Variants in MLIP observed in about 807,000 individuals in gnomAD.
MLIP encodes muscular LMNA interacting protein.
MLIP carries 79 observed loss-of-function variants against 84.8 expected under a neutral mutation model. That is an observed-to-expected ratio of 0.93 (90% CI 0.78 to 1.12). The LOEUF is 1.12. Ranked by LOEUF, MLIP falls within the 50% of genes most tolerant of loss-of-function variation. The pLI, the probability that MLIP is intolerant of heterozygous loss-of-function variation, is 0.00. For synonymous variants in MLIP, 504 were observed against 463.0 expected, an observed-to-expected ratio of 1.09 and a Z score of -1.14; for missense variants, 1,257 against 1,160.6, an observed-to-expected ratio of 1.08 and a Z score of -1.21.
chr6:54,154,201 G>C (rs80108223), intron 5 of MLIP, among the ~76,000 whole-genome samples: 1 of 151,858 alleles, frequency 6.6e-6, no homozygotes, highest in Admixed American at 6.6e-5. Context: ...GGGCCAGATA[G>C]GTCTCTAAAA....
intron 11 of MLIP, among the ~76,000 whole-genome samples, chr6:54,203,064 A>G (rs1778801183): frequency 6.6e-6 from 1 of 152,098 alleles, no homozygotes; most frequent in Non-Finnish European, 1.5e-5. Flanking sequence ...CATATTTAGG[A>G]TTTGTTGTTC....
intron 11 of MLIP, chr6:54,217,019 TG>T: frequency 1.0e-6 from 1 of 985,418 alleles, no homozygotes; most frequent in South Asian, 4.7e-5. Flanking sequence ...TTTAAACTGC[TG>T]TAAGTTCTAG....
chr6:54,149,066 C>T lies in MLIP; in HGVS notation c.2228C>T (p.Thr743Ile), dbSNP rs143520454. The T allele has an allele frequency of 4.3e-6, 7 of 1,612,694 alleles. No individual in the cohort carries two copies. Among genetic ancestry groups the T allele is most frequent in the Non-Finnish European group, 5.1e-6 (6 of 1,179,190 alleles). The change falls in exon 5 of 14, where the codon ACC becomes ATC. Residue 743 changes from threonine (T) to isoleucine (I), a missense_variant. Transcript: ENST00000502396. Reference sequence around the variant, plus strand: ...GGTTGCCCATTCTAGCAATACAAGACCAAGTCAAGCTACAAGGCTTTTGCA... The same window carrying T: ...GGTTGCCCATTCTAGCAATACAAGATCAAGTCAAGCTACAAGGCTTTTGCA... ...PENKKSKQYK[T>I]KSSYKAFAAI... is the part of the protein sequence containing the mutation.
chr6:54,123,237 A>G (rs1226984206), intron 2 of MLIP, among the ~76,000 whole-genome samples: 2 of 152,174 alleles, frequency 1.3e-5, no homozygotes, highest in Non-Finnish European at 2.9e-5. Context: ...GCCCGGCTTC[A>G]TTTATATTCT....
At chr6:54,238,184 G>T (rs1021097788) in intron 12 of MLIP, among the ~76,000 whole-genome samples, 8 of 151,970 alleles carry the variant, frequency 5.3e-5, no homozygotes, top group African/African-American at 1.7e-4. Context: ...ATTCTTCCTA[G>T]GCACCATAAG....
At chr6:54,199,750 G>C (rs73741467) in intron 10 of MLIP, among the ~76,000 whole-genome samples, 2,382 of 152,140 alleles carry the variant, frequency 0.016, 63 homozygotes, top group African/African-American at 0.052. Context: ...GCCTAGAGTT[G>C]GCTTCCATAT....
Position 54,124,735 on chromosome 6 carries a change from C to A in MLIP, c.515C>A (p.Pro172His), listed in dbSNP as rs1770768512. ...PGGIGTAAVR[P>H]KSLAISSSLV... The stretch of plus-strand genomic sequence containing the variant: ...GGGATTGGCACCGCAGCTGTCCGGC[C>A]CAAGTCTCTAGCTATCTCGTCCAGT... The change falls in exon 3 of 14, where the codon CCC (proline) becomes CAC (histidine). Residue 172 changes from proline to histidine, a missense_variant. Pro to His is a moderately conservative substitution (Grantham distance 77). Transcript: ENST00000502396. 1 of 1,614,058 alleles carries A rather than the reference C, an allele frequency of 6.2e-7. No individual in the cohort carries two copies. The highest frequency in any genetic ancestry group is 8.5e-7 in the Non-Finnish European group (1 of 1,180,040).
In MLIP at chr6:54,137,139, A is replaced by G. The variant is rs1251881058; in HGVS notation, c.1070A>G (p.Lys357Arg). ...SSPPSSSASL[K>R]SNSASYIPVR... ...CCACCGTCCTCCAGTGCTTCTCTGA[A>G]GTCGAATTCGGCCTCGTACATACCA... The change falls in exon 4 of 14, where the codon AAG (lysine) becomes AGG (arginine). Residue 357 changes from lysine (K) to arginine (R), a missense_variant. Coordinates refer to ENST00000502396, the MANE Select transcript of MLIP (RefSeq NM_001281747.2). The G allele has an allele frequency of 6.5e-7, 1 of 1,535,938 alleles. No individual in the cohort carries two copies. The highest frequency in any genetic ancestry group is 1.4e-5 in the African/African-American group (1 of 73,010).
At chr6:54,248,551 T>C (rs1194421789) in intron 12 of MLIP, among the ~76,000 whole-genome samples, 3 of 152,078 alleles carry the variant, frequency 2.0e-5, no homozygotes, top group African/African-American at 7.2e-5. Context: ...AACAATAGGA[T>C]GTGGTATTTG....
intron 12 of MLIP, among the ~76,000 whole-genome samples, chr6:54,246,417 G>C (rs1782086943): frequency 6.6e-6 from 1 of 151,834 alleles, no homozygotes; most frequent in African/African-American, 2.4e-5. Flanking sequence ...ATTTCTTCTT[G>C]AATTCCATTT....
chr6:54,070,116 C>T (rs1462940435), intron 1 of MLIP, among the ~76,000 whole-genome samples: 1 of 152,098 alleles, frequency 6.6e-6, no homozygotes, highest in Non-Finnish European at 1.5e-5. Context: ...ATTGTTTGCT[C>T]TCTGTTGTGT....
At chr6:54,155,906 AT>A (rs1773975164) in intron 5 of MLIP, among the ~76,000 whole-genome samples, 1 of 152,110 alleles carries the variant, frequency 6.6e-6, no homozygotes, top group South Asian at 2.1e-4. Flanking sequence ...ATTCTTTAAG[AT>A]GAATGAGCTC....
At chr6:54,181,224 C>T (rs1256185382) in intron 9 of MLIP, among the ~76,000 whole-genome samples, 1 of 152,172 alleles carries the variant, frequency 6.6e-6, no homozygotes, top group African/African-American at 2.4e-5. Context: ...AGCCACAATA[C>T]AAAGTTCTTT....
At chr6:54,238,205 A>G (rs1387622450) in intron 12 of MLIP, among the ~76,000 whole-genome samples, 1 of 152,226 alleles carries the variant, frequency 6.6e-6, no homozygotes. Flanking sequence ...TATGTGGCAC[A>G]TGTGTCTCAG....
chr6:54,160,910 G>A, intron 8 of MLIP, 111 bp downstream of exon 8: 2 of 812,156 alleles, frequency 2.5e-6, no homozygotes, highest in Middle Eastern at 3.7e-4. Context: ...TTAGTGAATA[G>A]CAATCAGTCT....
upstream of MLIP, among the ~76,000 whole-genome samples, chr6:54,111,148 T>G (rs1478714602): frequency 6.6e-6 from 1 of 152,202 alleles, no homozygotes; most frequent in African/African-American, 2.4e-5. Context: ...TTTTCTCTTC[T>G]TTTCACAGAA....
chr6:54,214,517 C>G (rs1333279975), intron 11 of MLIP, among the ~76,000 whole-genome samples: 1 of 152,148 alleles, frequency 6.6e-6, no homozygotes, highest in Non-Finnish European at 1.5e-5. Context: ...TTCCTCTGTT[C>G]CCTCCATCCT....
At chr6:54,069,925 T>A (rs13206954) in intron 1 of MLIP, among the ~76,000 whole-genome samples, 11,604 of 101,484 alleles carry the variant, frequency 0.11, 3,800 homozygotes, top group South Asian at 0.17. Flanking sequence ...AAAGTTACAG[T>A]GAAAACAACC....
chr6:54,250,852 A>C (rs963463509), intron 12 of MLIP, among the ~76,000 whole-genome samples: 1 of 152,070 alleles, frequency 6.6e-6, no homozygotes, highest in Non-Finnish European at 1.5e-5. Flanking sequence ...ATATGCCTTC[A>C]TCCTTTTAGT....
Sources: gnomAD v4.1 joint callset for allele counts (sites outside exome capture counted in the v4.1 genomes callset) on GRCh38, gnomAD v4.1.1 for gene constraint, MANE v1.5 for transcripts, NCBI Gene and HGNC (gene_info 2026-07-23, HGNC 2026-07-21) for gene names.